Variants in CNBD2 observed in about 807,000 individuals in gnomAD.
The protein encoded by CNBD2 is cyclic nucleotide-binding domain-containing protein 2.
Under a neutral mutation model 63.7 loss-of-function variants are expected in CNBD2, and 64 were observed. The ratio of observed to expected loss-of-function variants is 1.00; its 90% CI spans 0.82 to 1.24. The LOEUF is 1.24. CNBD2 is among the 50% of genes most tolerant of loss of function. CNBD2 has a pLI of 0.00. For missense variants in CNBD2, 691 were observed against 713.5 expected, an observed-to-expected ratio of 0.97 and a Z score of 0.36; for synonymous variants, 229 against 255.4, an observed-to-expected ratio of 0.90 and a Z score of 0.99.
intron 1 of CNBD2, among the ~76,000 whole-genome samples, chr20:35,971,909 C>T (rs557971495): frequency 6.6e-6 from 1 of 152,236 alleles, no homozygotes; most frequent in East Asian, 1.9e-4. Context: ...TCCCTATCTT[C>T]TGTATTCACT....
At chr20:35,973,938 A>T (rs923998179) in intron 2 of CNBD2, 1 of 152,034 alleles carries the variant, frequency 6.6e-6, no homozygotes, top group African/African-American at 2.4e-5. Flanking sequence ...TTCAGGAATG[A>T]CTAGAGCCAG....
chr20:35,960,257 A>C (rs2056295619), downstream of CNBD2, among the ~76,000 whole-genome samples: 1 of 151,954 alleles, frequency 6.6e-6, no homozygotes. Context: ...AGAAAGTAGA[A>C]GTACTAGCCA....
At position 35,995,162 on chromosome 20, in the gene CNBD2, C is replaced by T. The variant is rs1279306483; in HGVS notation, c.970+10C>T. 6.3e-7 allele frequency: 1 copy of T among 1,595,688 alleles called. No individual in the cohort carries two copies. The highest frequency in any genetic ancestry group is 2.2e-5 in the East Asian group (1 of 44,758). On this transcript the variant is annotated intron_variant, in intron 8 of 11. Coordinates refer to ENST00000373973, the MANE Select transcript of CNBD2 (RefSeq NM_001365709.1). ...AAGACCCACCTGAGTGGTAAGCTGC[C>T]TTGGCCTGTCTGACAGCAGGGGGCG...
intron 2 of CNBD2, among the ~76,000 whole-genome samples, chr20:35,975,294 C>T (rs1342433799): frequency 8.1e-6 from 1 of 123,644 alleles, no homozygotes; most frequent in Non-Finnish European, 1.7e-5. Flanking sequence ...AGCCACCGCG[C>T]CCGGCCTCTT....
At chr20:35,958,933 C>G (rs1342294471), downstream of CNBD2, 2 of 152,206 alleles carry the variant, frequency 1.3e-5, no homozygotes, top group African/African-American at 2.4e-5. Context: ...GAGATTCACC[C>G]AAGTGGTTGC....
Position 35,980,518 on chromosome 20 carries a change from G to T in CNBD2, c.303G>T (p.Glu101Asp). 2 of 1,614,176 alleles carry T rather than the reference G, an allele frequency of 1.2e-6. No homozygotes were observed. Among genetic ancestry groups the T allele is most frequent in the Non-Finnish European group, 1.7e-6 (2 of 1,180,004 alleles). The change falls in exon 4 of 12, where the codon GAG becomes GAT. Residue 101 changes from glutamate (E) to aspartate (D), a missense_variant. Transcript: ENST00000373973. ...AGAAGAAGCCTTCCTGGAGAACAGA[G>T]GATGAGATCCAGGCCGTCTGTAACA... Reference protein sequence around the residue: ...IMQKKPSWRTEDEIQAVCNIL... With the variant: ...IMQKKPSWRTDDEIQAVCNIL...
In CNBD2 at chr20:36,013,062, G is replaced by A. The variant is rs144462548; in HGVS notation, c.1269+1805G>A. On this transcript the variant is annotated intron_variant, in intron 10 of 11. Coordinates refer to ENST00000373973, the MANE Select transcript of CNBD2 (RefSeq NM_001365709.1). ...TGTAATGGTGGATACAAAAGCATTT[G>A]TCAAAACCTATTTAATTTTACAGCA... Among the ~76,000 whole-genome samples the A allele has an allele frequency of 1.7e-3, 253 of 152,120 alleles. 1 individual carries two copies. Among genetic ancestry groups the A allele is most frequent in the African/African-American group, 5.8e-3 (242 of 41,510 alleles).
chr20:35,960,525 GT>G, intron 2 of CNBD2, among the ~76,000 whole-genome samples: 1 of 152,224 alleles, frequency 6.6e-6, no homozygotes, highest in Middle Eastern at 3.4e-3. Context: ...TTGTTTGTTT[GT>G]TTGTTTTATA....
At chr20:35,976,262 A>T (rs1287176819) in intron 3 of CNBD2, among the ~76,000 whole-genome samples, 1 of 152,184 alleles carries the variant, frequency 6.6e-6, no homozygotes, top group African/African-American at 2.4e-5. Context: ...AATGGGAGAG[A>T]GTTCCTGGGC....
chr20:36,011,224 G>A lies in CNBD2; in HGVS notation c.1236G>A (p.Val412=), dbSNP rs750874022. The A allele has an allele frequency of 1.3e-5, 21 of 1,592,920 alleles. No homozygotes were observed. In the African/African-American group the frequency reaches 2.4e-4, roughly 18 times the overall value. ...LPKEAAVGAY[V]KVHTVEQGEI... ...AGGAGGCTGCAGTGGGGGCCTACGT[G>A]AAGGTGCACACTGTGGAGCAGGGAG... The change falls in exon 10 of 12, where the codon GTG becomes GTA. Residue 412 remains valine (V), a synonymous_variant. Transcript: ENST00000373973.
At chr20:36,020,076 C>T (rs1414597579) in intron 10 of CNBD2, among the ~76,000 whole-genome samples, 1 of 151,674 alleles carries the variant, frequency 6.6e-6, no homozygotes, top group African/African-American at 2.4e-5. Context: ...GACAATTTTT[C>T]TTTTCTTTTT....
chr20:35,998,798 G>A (rs1042941786), intron 8 of CNBD2, among the ~76,000 whole-genome samples: 2 of 150,704 alleles, frequency 1.3e-5, no homozygotes, highest in African/African-American at 4.9e-5. Context: ...GCTTGAACCC[G>A]GGAGGCAGAG....
At chr20:35,991,597 TG>T (rs1439167599) in intron 7 of CNBD2, among the ~76,000 whole-genome samples, 10 of 152,128 alleles carry the variant, frequency 6.6e-5, no homozygotes, top group Non-Finnish European at 1.2e-4. Flanking sequence ...CCAGAAAAGA[TG>T]GGGGGATGTG....
At chr20:36,015,611 G>A (rs2057123125) in intron 10 of CNBD2, among the ~76,000 whole-genome samples, 2 of 152,150 alleles carry the variant, frequency 1.3e-5, no homozygotes, top group Non-Finnish European at 2.9e-5. Flanking sequence ...AGGGGAGGGG[G>A]CAGGAACTGC....
At chr20:36,007,950 C>A (rs1188761024) in intron 8 of CNBD2, among the ~76,000 whole-genome samples, 1 of 152,052 alleles carries the variant, frequency 6.6e-6, no homozygotes, top group East Asian at 1.9e-4. Context: ...GTTTGAAGGC[C>A]GGGATAAATA....
intron 10 of CNBD2, among the ~76,000 whole-genome samples, chr20:36,021,889 G>T (rs537671034): frequency 6.6e-6 from 1 of 152,192 alleles, no homozygotes; most frequent in Non-Finnish European, 1.5e-5. Context: ...CTGGAGAGAG[G>T]AGGACCTGTG....
At chr20:36,000,652 C>A (rs948849755) in intron 8 of CNBD2, among the ~76,000 whole-genome samples, 2 of 152,004 alleles carry the variant, frequency 1.3e-5, no homozygotes, top group Non-Finnish European at 2.9e-5. Context: ...TTCCGCCTCC[C>A]AGTTTCAAGT....
intron 11 of CNBD2, among the ~76,000 whole-genome samples, chr20:36,028,673 C>G (rs2057308776): frequency 9.2e-6 from 1 of 109,094 alleles, no homozygotes; most frequent in African/African-American, 5.9e-5. Flanking sequence ...GGCTTAAGGG[C>G]GTCACGGGCT....
At chr20:35,973,093 G>T in intron 2 of CNBD2, 1 of 459,336 alleles carries the variant, frequency 2.2e-6, no homozygotes, top group South Asian at 5.4e-5. Context: ...AATATGGGCT[G>T]AGAGGGAAGG....
Sources: allele counts gnomAD v4.1 joint callset (sites outside exome capture counted in the v4.1 genomes callset), GRCh38; gene constraint gnomAD v4.1.1; transcripts MANE v1.5; gene names NCBI Gene and HGNC (gene_info 2026-07-23, HGNC 2026-07-21).